Variants in ASAP2 observed in about 807,000 individuals in gnomAD.
The protein encoded by ASAP2 is ArfGAP with SH3 domain, ankyrin repeat and PH domain 2, also known as arf-GAP with SH3 domain, ANK repeat and PH domain-containing protein 2.
A neutral mutation model predicts 131.4 loss-of-function variants in ASAP2; 45 were observed. The observed-to-expected ratio is 0.34, with a 90% CI of 0.27 to 0.44. The LOEUF (loss-of-function observed/expected upper bound fraction) is 0.44, where lower values mean the gene tolerates loss of function less well. Among genes scored for constraint, ASAP2 ranks in the 20% least tolerant of loss-of-function variants. The pLI, the probability that ASAP2 is intolerant of heterozygous loss-of-function variation, is 1.00. For synonymous variants in ASAP2, 510 were observed against 503.0 expected (o/e 1.01, Z -0.19); for missense variants, 1,011 against 1,297.0 (o/e 0.78, Z 3.39).
intron 7 of ASAP2, among the ~76,000 whole-genome samples, chr2:9,331,535 A>AG (rs964299607): frequency 3.3e-5 from 5 of 152,144 alleles, no homozygotes; most frequent in African/African-American, 7.2e-5. Flanking sequence ...TGGGAGGCCA[A>AG]GGGGGGCGGA....
intron 1 of ASAP2, among the ~76,000 whole-genome samples, chr2:9,243,162 G>A (rs1043802034): frequency 2.0e-5 from 3 of 152,162 alleles, no homozygotes; most frequent in African/African-American, 7.2e-5. Flanking sequence ...AGGCTGGAGT[G>A]CAGTGGCACA....
At chr2:9,236,980 G>T (rs1370180034) in intron 1 of ASAP2, among the ~76,000 whole-genome samples, 1 of 152,134 alleles carries the variant, frequency 6.6e-6, no homozygotes, top group African/African-American at 2.4e-5. Context: ...AGACGGGCAG[G>T]CGGACCAGGC....
In ASAP2 at chr2:9,404,455, A is replaced by G. The variant is rs1055238152; in HGVS notation, c.*1128A>G. 9.9e-5 allele frequency: 15 copies of G among 152,214 alleles called. No individual in the cohort carries two copies. The highest frequency in any genetic ancestry group is 3.6e-4 in the African/African-American group (15 of 41,456). The allele number at this position is 152,214 out of a possible 1,614,324, so 9.4% of individuals were successfully genotyped here. ...AAGCTACTTGGGGTGGTAGTAGAGG[A>G]TTAGGTTGTCTATTATAAAACCAAA... On this transcript the variant is annotated 3_prime_UTR_variant, in exon 28 of 28. Coordinates refer to ENST00000281419, the MANE Select transcript of ASAP2 (RefSeq NM_003887.3).
intron 1 of ASAP2, among the ~76,000 whole-genome samples, chr2:9,278,859 A>T (rs939687117): frequency 2.0e-5 from 3 of 152,138 alleles, no homozygotes; most frequent in African/African-American, 7.2e-5. Context: ...GTTTTTCCAA[A>T]TCCAGAGTGG....
rs369176717 is a variant in ASAP2, at chr2:9,393,655, A to G, written c.2684+8A>G. On this transcript the variant is annotated splice_region_variant and intron_variant, in intron 24 of 27. Transcript: ENST00000281419. Reference sequence around the variant, plus strand: ...GAAGAAGCCTGCGCCGGGGTAAGCCACCCCCAGCCAGCTCGGCCATCCGTG... The same window carrying G: ...GAAGAAGCCTGCGCCGGGGTAAGCCGCCCCCAGCCAGCTCGGCCATCCGTG... 6.4e-7 allele frequency: 1 copy of G among 1,556,368 alleles called. No individual in the cohort carries two copies. The highest frequency in any genetic ancestry group is 8.7e-7 in the Non-Finnish European group (1 of 1,155,988).
Position 9,234,256 on chromosome 2 carries a change from CAGCTTCCTAAGCTTG to C in ASAP2, c.126+27037_126+27051del, listed in dbSNP as rs973538501. ...TCTTGACGCTATTTGTGCTGCCTCT[CAGCTTCCTAAGCTTG>C]AGCTTCCTAAACTGTAAAATGGGAG... is the stretch of plus-strand genomic sequence containing the variant. On this transcript the variant is annotated intron_variant, in intron 1 of 27. Coordinates refer to ENST00000281419, the MANE Select transcript of ASAP2 (RefSeq NM_003887.3). 1.1e-4 allele frequency among the ~76,000 whole-genome samples: 16 copies of C among 152,242 alleles called. No individual in the cohort carries two copies. In the East Asian group the frequency reaches 2.1e-3, roughly 20 times the overall value.
chr2:9,252,592 CA>C (rs1395655031), intron 1 of ASAP2, among the ~76,000 whole-genome samples: 2 of 150,348 alleles, frequency 1.3e-5, no homozygotes, highest in Non-Finnish European at 1.5e-5. Context: ...CCCCGCCCCC[CA>C]AAAAAAGCCT....
chr2:9,381,980 CTTTTTT>C (rs759499289), intron 20 of ASAP2, among the ~76,000 whole-genome samples: 2 of 115,962 alleles, frequency 1.7e-5, no homozygotes, highest in African/African-American at 3.8e-5. Context: ...CTCATTTAAT[CTTTTTT>C]TTTTTTTTTT....
At chr2:9,391,577 T>C (rs1364817378) in intron 23 of ASAP2, among the ~76,000 whole-genome samples, 12 of 117,628 alleles carry the variant, frequency 1.0e-4, no homozygotes. Context: ...TTTCTTTTTC[T>C]TTTTTTTTTT....
chr2:9,385,212 G>A (rs6717443), intron 20 of ASAP2, 33 bp from the exon 21 acceptor site: 1 of 1,531,768 alleles, frequency 6.5e-7, no homozygotes, highest in South Asian at 1.1e-5. Flanking sequence ...GAGTGTATGA[G>A]CAACAGCACT....
intron 1 of ASAP2, among the ~76,000 whole-genome samples, chr2:9,265,033 C>T (rs1375200991): frequency 1.3e-5 from 2 of 151,970 alleles, no homozygotes; most frequent in African/African-American, 2.4e-5. Context: ...CTACTCAGGA[C>T]GCTGAGGCAA....
At position 9,399,758 on chromosome 2, in the gene ASAP2, A is replaced by G. The variant is rs752624042; in HGVS notation, c.2685-265A>G. ...AGTGGCCAGTGCCCAGCATCACTCCAGACCCTGGCCATCGGTGGCAGGCTC... is the reference window on the plus strand; with the variant it reads ...AGTGGCCAGTGCCCAGCATCACTCCGGACCCTGGCCATCGGTGGCAGGCTC... On this transcript the variant is annotated intron_variant, in intron 24 of 27. Transcript: ENST00000281419. 4.0e-4 allele frequency: 211 copies of G among 529,280 alleles called. 1 individual carries two copies. The highest frequency in any genetic ancestry group is 5.0e-4 in the Non-Finnish European group (148 of 294,630). 32.8% of individuals were successfully genotyped at this position (529,280 alleles called of 1,614,324 possible).
intron 1 of ASAP2, among the ~76,000 whole-genome samples, chr2:9,226,070 C>T (rs1662742443): frequency 6.6e-6 from 1 of 152,188 alleles, no homozygotes; most frequent in African/African-American, 2.4e-5. Context: ...GAGGTTGTGT[C>T]CTGTGTGCTG....
At chr2:9,212,077 G>C (rs1215697477) in intron 1 of ASAP2, among the ~76,000 whole-genome samples, 3 of 152,108 alleles carry the variant, frequency 2.0e-5, no homozygotes, top group African/African-American at 7.2e-5. Context: ...TTCTTTCTTA[G>C]GCTCAAGAGT....
intron 24 of ASAP2, among the ~76,000 whole-genome samples, chr2:9,396,247 C>G (rs921769938): frequency 2.6e-5 from 4 of 152,154 alleles, no homozygotes; most frequent in African/African-American, 4.8e-5. Context: ...GGGCCTTCCT[C>G]ACTGCTGGAG....
intron 2 of ASAP2, among the ~76,000 whole-genome samples, chr2:9,287,338 C>CATG (rs1449562683): frequency 2.6e-5 from 4 of 152,228 alleles, no homozygotes; most frequent in African/African-American, 9.6e-5. Flanking sequence ...GTGAGCCACA[C>CATG]ATGACCTCAG....
intron 12 of ASAP2, among the ~76,000 whole-genome samples, chr2:9,354,636 A>C: frequency 7.0e-6 from 1 of 143,292 alleles, no homozygotes; most frequent in Non-Finnish European, 1.5e-5. Context: ...GCAGAGTGAG[A>C]CTCCGTCTCA....
At chr2:9,222,961 A>G (rs1035146118) in intron 1 of ASAP2, among the ~76,000 whole-genome samples, 1 of 151,918 alleles carries the variant, frequency 6.6e-6, no homozygotes, top group Non-Finnish European at 1.5e-5. Flanking sequence ...GCCTTGGTCT[A>G]TTTCCAGACC....
At chr2:9,304,590 T>C (rs183978242) in intron 3 of ASAP2, among the ~76,000 whole-genome samples, 1 of 150,360 alleles carries the variant, frequency 6.7e-6, no homozygotes. Flanking sequence ...GGCTGTAGTC[T>C]TGGGAGTATA....
Sources: gnomAD v4.1 joint callset for allele counts (sites outside exome capture counted in the v4.1 genomes callset) on GRCh38, gnomAD v4.1.1 for gene constraint, MANE v1.5 for transcripts, NCBI Gene and HGNC (gene_info 2026-07-23, HGNC 2026-07-21) for gene names.